The following ZFP3 variants were observed in gnomAD, a reference collection of about 807,000 sequenced individuals.
ZFP3 encodes the protein zinc finger protein 3 homolog.
Under a neutral mutation model 36.7 loss-of-function variants are expected in ZFP3, and 18 were observed. That is an observed-to-expected ratio of 0.49 (90% CI 0.34 to 0.73). The LOEUF (loss-of-function observed/expected upper bound fraction) is 0.73. ZFP3 is among the 30% of genes least tolerant of loss of function. ZFP3 has a pLI of 0.01. For missense variants in ZFP3, 495 were observed against 599.0 expected, an observed-to-expected ratio of 0.83 and a Z score of 1.81; for synonymous variants, 218 against 199.0, an observed-to-expected ratio of 1.10 and a Z score of -0.81.
intron 1 of ZFP3, among the ~76,000 whole-genome samples, chr17:5,083,054 A>G (rs942493013): frequency 6.6e-6 from 1 of 152,074 alleles, no homozygotes; most frequent in Admixed American, 6.6e-5. Flanking sequence ...TTAACTCAGA[A>G]GAGGTATGCA....
At chr17:5,087,092 T>C (rs2143526503) in intron 1 of ZFP3, among the ~76,000 whole-genome samples, 1 of 148,998 alleles carries the variant, frequency 6.7e-6, no homozygotes, top group Non-Finnish European at 1.5e-5. Context: ...TTTTTTTTTT[T>C]TTTTTTGAGA....
At chr17:5,089,876 T>G (rs1052502326) in intron 1 of ZFP3, among the ~76,000 whole-genome samples, 1 of 152,166 alleles carries the variant, frequency 6.6e-6, no homozygotes, top group African/African-American at 2.4e-5. Context: ...TAGGCTGGTC[T>G]TGAACTCCTG....
rs764006469 is a variant in ZFP3, at chr17:5,080,800, G to A, written c.-9+2225G>A. Reference sequence around the variant, plus strand: ...GTCCTGACTAACCTCCCTAGGCCTCGCCTCCTCAGTCTTCCACCACACATC... The same window carrying A: ...GTCCTGACTAACCTCCCTAGGCCTCACCTCCTCAGTCTTCCACCACACATC... On this transcript the variant is annotated intron_variant, in intron 1 of 1. Transcript: ENST00000318833. 5.3e-4 allele frequency among the ~76,000 whole-genome samples: 80 copies of A among 151,782 alleles called. 1 individual carries two copies. The highest frequency in any genetic ancestry group is 9.9e-4 in the Admixed American group (15 of 15,206).
chr17:5,092,897 A>G lies in ZFP3; in HGVS notation c.1393A>G (p.Ile465Val), dbSNP rs771877824. The change falls in exon 2 of 2, where the codon ATC becomes GTC. Residue 465 changes from isoleucine to valine, a missense_variant. Transcript: ENST00000318833. The surrounding 1 kb of genome is among the most constrained non-coding windows in gnomAD (Gnocchi z 5.0). ...EKTFSQHSQLIIHQRIHTGEK... is the reference protein window; with the variant it reads ...EKTFSQHSQLVIHQRIHTGEK... ...AACATTTAGCCAGCATTCCCAACTT[A>G]TCATACATCAGAGAATTCACACTGG... 2 of 1,614,022 alleles carry G rather than the reference A, an allele frequency of 1.2e-6. No homozygotes were observed. Among genetic ancestry groups the G allele is most frequent in the South Asian group, 1.1e-5 (1 of 91,070 alleles).
intron 1 of ZFP3, among the ~76,000 whole-genome samples, chr17:5,086,724 C>CCT (rs2072123044): frequency 8.1e-5 from 9 of 110,666 alleles, no homozygotes; most frequent in African/African-American, 2.2e-4. Flanking sequence ...CATTTTCTTT[C>CCT]TTTTTTTTTT....
At chr17:5,082,637 C>T (rs1169681394) in intron 1 of ZFP3, among the ~76,000 whole-genome samples, 2 of 152,110 alleles carry the variant, frequency 1.3e-5, no homozygotes, top group Admixed American at 6.5e-5. Flanking sequence ...AGGTGATCCT[C>T]CCACCTCAGC....
intron 1 of ZFP3, among the ~76,000 whole-genome samples, chr17:5,085,391 C>T (rs1434481841): frequency 6.8e-6 from 1 of 146,238 alleles, no homozygotes; most frequent in Non-Finnish European, 1.5e-5. Flanking sequence ...TTTTTTGAGA[C>T]GGAGCCTTGC....
rs759519606 is a variant in ZFP3 at position 5,091,630 on chromosome 17, TGAAGAA to T, written c.129_134del (p.Glu43_Glu44del). 2 of 1,614,216 alleles carry T rather than the reference TGAAGAA, an allele frequency of 1.2e-6. No individual in the cohort carries two copies. The highest frequency in any genetic ancestry group is 2.2e-5 in the South Asian group (2 of 91,084). On this transcript the variant is annotated inframe_deletion, in exon 2 of 2. Transcript: ENST00000318833. ...AAGGTCATGAGTTTGGAGCAGGATGTGAAGAAGACATGTTGGAGGGACATTCGAGAG... is the reference window on the plus strand; with the variant it reads ...AAGGTCATGAGTTTGGAGCAGGATGTGACATGTTGGAGGGACATTCGAGAG...
chr17:5,087,592 T>A (rs2072128206), intron 1 of ZFP3, among the ~76,000 whole-genome samples: 1 of 152,036 alleles, frequency 6.6e-6, no homozygotes, highest in Non-Finnish European at 1.5e-5. Context: ...TTATAAATGA[T>A]CTAGGTGTGG....
chr17:5,083,572 A>C (rs993686195), intron 1 of ZFP3, among the ~76,000 whole-genome samples: 2 of 151,826 alleles, frequency 1.3e-5, no homozygotes, highest in Non-Finnish European at 2.9e-5. Context: ...ACTTTGTAAC[A>C]GTGGTTTTCA....
rs1369892604 is a variant in ZFP3 at position 5,096,113 on chromosome 17, T to C, written c.*3100T>C. On this transcript the variant is annotated 3_prime_UTR_variant, in exon 2 of 2. Coordinates refer to ENST00000318833, the MANE Select transcript of ZFP3 (RefSeq NM_153018.3). ...CTGTTTGCCTCCCTCTTCGACTTACTTGGGAGTCAGCATCTGACCACAGTC... is the reference window on the plus strand; with the variant it reads ...CTGTTTGCCTCCCTCTTCGACTTACCTGGGAGTCAGCATCTGACCACAGTC... 1 of 167,092 alleles carries C rather than the reference T, an allele frequency of 6.0e-6. No homozygotes were observed. Among genetic ancestry groups the C allele is most frequent in the Non-Finnish European group, 1.5e-5 (1 of 68,130 alleles). The allele number at this position is 167,092 out of a possible 1,614,324, so 10.4% of individuals were successfully genotyped here. A position where few individuals can be genotyped will look rare whatever the true frequency, so the allele number is the denominator to read the frequency against.
intron 1 of ZFP3, among the ~76,000 whole-genome samples, chr17:5,079,589 T>C (rs1009211269): frequency 5.9e-5 from 9 of 152,204 alleles, no homozygotes; most frequent in African/African-American, 2.2e-4. Context: ...GTATCTGAAA[T>C]ATGCTAGGTA....
chr17:5,082,311 C>T (rs965433298), intron 1 of ZFP3, among the ~76,000 whole-genome samples: 1 of 151,938 alleles, frequency 6.6e-6, no homozygotes, highest in Non-Finnish European at 1.5e-5. Context: ...CACGCCACTG[C>T]ACTCCAGCCT....
Position 5,095,233 on chromosome 17 carries a change from G to A in ZFP3, c.*2220G>A, listed in dbSNP as rs528598452. ...GTTTATATCCTTGGCTTGAGAAAAG[G>A]GTTGTACAAATAGATGATTGCAGAG... On this transcript the variant is annotated 3_prime_UTR_variant, in exon 2 of 2. Transcript: ENST00000318833. The A allele has an allele frequency of 1.4e-4, 23 of 167,032 alleles. No homozygotes were observed. Among genetic ancestry groups the A allele is most frequent in the Non-Finnish European group, 2.6e-4 (18 of 68,104 alleles). 10.3% of individuals were successfully genotyped at this position (167,032 alleles called of 1,614,324 possible). A position where few individuals can be genotyped will look rare whatever the true frequency, so the allele number is the denominator to read the frequency against.
Position 5,092,936 on chromosome 17 carries a change from G to A in ZFP3, c.1432G>A (p.Glu478Lys). 6.2e-7 allele frequency: 1 copy of A among 1,614,028 alleles called. No individual in the cohort carries two copies. Among genetic ancestry groups the A allele is most frequent in the South Asian group, 1.1e-5 (1 of 91,042 alleles). Residue 478 changes from glutamate (E) to lysine (K), a missense_variant, in exon 2 of 2, where the codon GAG (glutamate) becomes AAG (lysine). Glu to Lys is a moderately conservative substitution (Grantham distance 56). Around this residue, in one of 3 missense-constraint regions of ZFP3, gnomAD observed 163 missense variants for 178.4 expected, o/e 0.91. Transcript: ENST00000318833. This position sits in a 1 kb window ranked among gnomAD's most constrained non-coding sequence, Gnocchi z 5.0. ...AATTCACACTGGAGAGAAGCCTTAT[G>A]AGTGCCAAGAATGTCAGAAGACTTT... ...QRIHTGEKPY[E>K]CQECQKTFSR... is the part of the protein sequence containing the mutation.
At position 5,078,810 on chromosome 17, in the gene ZFP3, T is replaced by C. The variant is rs1294450462; in HGVS notation, c.-9+235T>C. Among the ~76,000 whole-genome samples the C allele has an allele frequency of 6.6e-6, 1 of 152,206 alleles. No individual in the cohort carries two copies. The highest frequency in any genetic ancestry group is 1.5e-5 in the Non-Finnish European group (1 of 68,028). On this transcript the variant is annotated intron_variant, in intron 1 of 1. Transcript: ENST00000318833. The surrounding 1 kb of genome is among the most constrained non-coding windows in gnomAD (Gnocchi z 4.5). ...ACAGTCCCAGCTCTGGTTTGGTGCC[T>C]GTCAGCCGTGGGGGTGGGAGAAGCA...
At chr17:5,085,489 C>A (rs1442070886) in intron 1 of ZFP3, among the ~76,000 whole-genome samples, 1 of 152,150 alleles carries the variant, frequency 6.6e-6, no homozygotes, top group Non-Finnish European at 1.5e-5. Flanking sequence ...CTGCATCAGC[C>A]TCCTGAGTAG....
In ZFP3 at chr17:5,092,435, T is replaced by C; in HGVS notation, c.931T>C (p.Cys311Arg). The C allele has an allele frequency of 6.2e-7, 1 of 1,614,210 alleles. No individual in the cohort carries two copies. The highest frequency in any genetic ancestry group is 8.5e-7 in the Non-Finnish European group (1 of 1,180,028). ...TCATACTGGAGAAAAACCATATCTGTGTAATGAATGTGGGAAGGGCTTCGG... is the reference window on the plus strand; with the variant it reads ...TCATACTGGAGAAAAACCATATCTGCGTAATGAATGTGGGAAGGGCTTCGG... ...KIHTGEKPYLCNECGKGFGQS... is the reference protein window; with the variant it reads ...KIHTGEKPYLRNECGKGFGQS... The change falls in exon 2 of 2, where the codon TGT (cysteine) becomes CGT (arginine). Residue 311 changes from cysteine to arginine, a missense_variant. Transcript: ENST00000318833. This position sits in a 1 kb window ranked among gnomAD's most constrained non-coding sequence, Gnocchi z 5.0.
At chr17:5,080,148 G>A (rs988898725) in intron 1 of ZFP3, among the ~76,000 whole-genome samples, 1 of 152,166 alleles carries the variant, frequency 6.6e-6, no homozygotes, top group African/African-American at 2.4e-5. Context: ...TCCACAGGCT[G>A]GTAGTGAGAT....
Sources: gnomAD v4.1 joint callset for allele counts (sites outside exome capture counted in the v4.1 genomes callset) on GRCh38, gnomAD v4.1.1 for gene constraint, gnomAD v4.1.1 regional missense constraint, Gnocchi (gnomAD v3.1) non-coding constraint, MANE v1.5 for transcripts, NCBI Gene and HGNC (gene_info 2026-07-23, HGNC 2026-07-21) for gene names.